IFRD1: variants seen among roughly 807,000 people sequenced by gnomAD.
IFRD1 encodes the protein interferon related developmental regulator 1, also known as interferon-related developmental regulator 1.
A neutral mutation model predicts 52.9 loss-of-function variants in IFRD1; 35 were observed. The observed-to-expected ratio is 0.66, with a 90% CI of 0.51 to 0.88. IFRD1 has a LOEUF of 0.88. Among genes scored for constraint, IFRD1 ranks in the 40% least tolerant of loss-of-function variants. The pLI, the probability that IFRD1 is intolerant of heterozygous loss-of-function variation, is 0.00. For synonymous variants in IFRD1, 184 were observed against 188.4 expected (o/e 0.98, Z 0.19); for missense variants, 517 against 550.8 (o/e 0.94, Z 0.61).
chr7:112,473,029 C>CGT (rs74273594), intron 11 of IFRD1, among the ~76,000 whole-genome samples, 168 bp downstream of exon 11: 4,641 of 115,168 alleles, frequency 0.04, 151 homozygotes, highest in African/African-American at 0.11. Flanking sequence ...GTGTGGGGGG[C>CGT]GTGTGTGTGT....
rs750715516 is a variant in IFRD1 at position 112,468,013 on chromosome 7, G to A, written c.939G>A (p.Thr313=). Residue 313 remains threonine (T), a synonymous_variant, in exon 9 of 12, where the codon ACG becomes ACA. Transcript: ENST00000403825. ...TTTATGAAGACATGGAGTCCTTGAC[G>A]CAGATGCTTAGGGCCTTGGCAACAG... ...DFFYEDMESL[T]QMLRALATDG... The A allele has an allele frequency of 6.2e-6, 10 of 1,613,854 alleles. No individual in the cohort carries two copies. Among genetic ancestry groups the A allele is most frequent in the African/African-American group, 4.0e-5 (3 of 74,900 alleles).
Position 112,472,781 on chromosome 7 carries a change from C to T in IFRD1, c.1186C>T (p.Arg396Ter), listed in dbSNP as rs1584504107. The T allele has an allele frequency of 4.4e-6, 7 of 1,608,074 alleles. No homozygotes were observed. Among genetic ancestry groups the T allele is most frequent in the Middle Eastern group, 1.7e-4 (1 of 6,056 alleles). Reference sequence around the variant, plus strand: ...TTCACATAAGTCAAATGAATTCCTTCGAAATGTATTTGAACTTGGACCCCC... The same window carrying T: ...TTCACATAAGTCAAATGAATTCCTTTGAAATGTATTTGAACTTGGACCCCC... The part of the protein sequence containing the change: ...QYHLQSNEFL[R>*]NVFELGPPVM... The change falls in exon 11 of 12, where the codon CGA becomes TGA. Residue 396 changes from arginine (R) to a stop codon, truncating the protein, a stop_gained. Transcript: ENST00000403825. LOFTEE classifies it high-confidence loss of function.
At chr7:112,452,198 C>T in intron 1 of IFRD1, 1 of 829,424 alleles carries the variant, frequency 1.2e-6, no homozygotes, top group Non-Finnish European at 1.5e-6. Context: ...CTGGCTCTGT[C>T]GCCCAGGCTG....
intron 8 of IFRD1, among the ~76,000 whole-genome samples, chr7:112,465,351 G>A: frequency 6.6e-6 from 1 of 152,140 alleles, no homozygotes; most frequent in Non-Finnish European, 1.5e-5. Flanking sequence ...GTGACCTTAA[G>A]CATCTCACCC....
chr7:112,474,401 A>T (rs1204991641), intron 11 of IFRD1, among the ~76,000 whole-genome samples: 2 of 152,210 alleles, frequency 1.3e-5, no homozygotes, highest in African/African-American at 2.4e-5. Flanking sequence ...GTTTCTCCAC[A>T]TCCTCACTAA....
At chr7:112,445,351 T>C (rs1158850389) in intron 1 of IFRD1, among the ~76,000 whole-genome samples, 4 of 151,912 alleles carry the variant, frequency 2.6e-5, no homozygotes, top group Non-Finnish European at 5.9e-5. Context: ...CAGGTGTGAG[T>C]TACCCCGCCC....
At chr7:112,450,432 C>T, upstream of IFRD1, 1 of 533,828 alleles carries the variant, frequency 1.9e-6, no homozygotes, top group Non-Finnish European at 3.4e-6. Flanking sequence ...GGTATTGCTA[C>T]TTAAGGCGTC....
intron 1 of IFRD1, among the ~76,000 whole-genome samples, chr7:112,433,153 T>C (rs919061942): frequency 5.3e-5 from 8 of 152,126 alleles, no homozygotes; most frequent in African/African-American, 1.9e-4. Context: ...GACAGGGGAA[T>C]TGGAATAGAG....
chr7:112,472,311 G>A lies in IFRD1; in HGVS notation c.1134G>A (p.Lys378=), dbSNP rs1795772006. ...WVKKHTYDTF[K]EVLGSGMQYH... ...AAAAACACACCTATGACACCTTTAA[G>A]GAGGTTCTTGGATCAGGGATGCAGT... is the stretch of plus-strand genomic sequence containing the variant. The change falls in exon 10 of 12, where the codon AAG becomes AAA. Residue 378 remains lysine (K), a synonymous_variant. Coordinates refer to ENST00000403825, the MANE Select transcript of IFRD1 (RefSeq NM_001550.4). 6.2e-7 allele frequency: 1 copy of A among 1,614,020 alleles called. No homozygotes were observed. The highest frequency in any genetic ancestry group is 2.2e-5 in the East Asian group (1 of 44,860).
At chr7:112,457,365 C>T (rs903255282) in intron 4 of IFRD1, 8 of 447,130 alleles carry the variant, frequency 1.8e-5, no homozygotes, top group African/African-American at 1.4e-4. Flanking sequence ...GCTCATTTTC[C>T]CTTGCACTTA....
chr7:112,447,369 A>C (rs1300148518), upstream of IFRD1, among the ~76,000 whole-genome samples: 3 of 152,354 alleles, frequency 2.0e-5, no homozygotes, highest in Non-Finnish European at 2.9e-5. Context: ...ATATTTATTT[A>C]TTAGAGCATG....
chr7:112,424,580 A>T (rs984796758), intron 1 of IFRD1, among the ~76,000 whole-genome samples: 1 of 151,502 alleles, frequency 6.6e-6, no homozygotes, highest in African/African-American at 2.4e-5. Flanking sequence ...ACACCAGCTA[A>T]GTTTTGTATT....
At chr7:112,436,293 C>T (rs10274824) in intron 1 of IFRD1, among the ~76,000 whole-genome samples, 3,688 of 152,206 alleles carry the variant, frequency 0.024, 143 homozygotes, top group African/African-American at 0.083. Context: ...TCAAGGAACA[C>T]GTTTTAACTA....
chr7:112,456,914 T>C lies in IFRD1; in HGVS notation c.285T>C (p.Ser95=), dbSNP rs756796129. ...TTCTCTTACATTGGGTGTTAAATAGTGCGAAGACAAGGCAAGCAGCTCTTG... is the reference window on the plus strand; with the variant it reads ...TTCTCTTACATTGGGTGTTAAATAGCGCGAAGACAAGGCAAGCAGCTCTTG... ...KGLIDLTLDK[S]AKTRQAALEG... The change falls in exon 4 of 12, where the codon AGT becomes AGC. Residue 95 remains serine, a splice_region_variant and synonymous_variant. Transcript: ENST00000403825. 3 of 1,613,694 alleles carry C rather than the reference T, an allele frequency of 1.9e-6. No homozygotes were observed. In the East Asian group the frequency reaches 6.7e-5, roughly 36 times the overall value.
In IFRD1 at chr7:112,453,372, TTAGGA is replaced by T. The variant is rs1489686494; in HGVS notation, c.95-2389_95-2385del. ...TAGAGTGCCATCTCTTTCGTGGTAC[TTAGGA>T]TCACAGTGTGGGTGGGTGAGTTTGA... On this transcript the variant is annotated intron_variant, in intron 1 of 11. Transcript: ENST00000403825. Among the ~76,000 whole-genome samples, 5 of 152,310 alleles carry T rather than the reference TTAGGA, an allele frequency of 3.3e-5. No individual in the cohort carries two copies. In the East Asian group the frequency reaches 9.7e-4, roughly 29 times the overall value.
At chr7:112,439,315 G>A (rs1794806844) in intron 1 of IFRD1, among the ~76,000 whole-genome samples, 1 of 152,168 alleles carries the variant, frequency 6.6e-6, no homozygotes, top group Non-Finnish European at 1.5e-5. Context: ...AGGGAAGTAG[G>A]GGGATAGTTC....
At chr7:112,448,156 GAAAA>G (rs1242542505), upstream of IFRD1, among the ~76,000 whole-genome samples, 1 of 146,880 alleles carries the variant, frequency 6.8e-6, no homozygotes, top group African/African-American at 2.5e-5. Flanking sequence ...AGAAAAGTAA[GAAAA>G]AAAGAAAAGA....
chr7:112,460,275 C>T (rs1357055028), intron 5 of IFRD1, among the ~76,000 whole-genome samples: 1 of 110,492 alleles, frequency 9.1e-6, no homozygotes, highest in African/African-American at 3.4e-5. Context: ...GACAAGGTCT[C>T]ACTCTGTTAC....
chr7:112,468,132 C>G lies in IFRD1; in HGVS notation c.1041+17C>G. The G allele has an allele frequency of 2.5e-6, 4 of 1,611,994 alleles. No homozygotes were observed. Among genetic ancestry groups the G allele is most frequent in the Non-Finnish European group, 1.7e-6 (2 of 1,178,204 alleles). ...GCAGTGGAGGTAGGCTTCTTAAATG[C>G]TGTAATAGCTTCTCATTTTGAAATT... On this transcript the variant is annotated intron_variant, in intron 9 of 11. Transcript: ENST00000403825.
Sources: allele counts gnomAD v4.1 joint callset (sites outside exome capture counted in the v4.1 genomes callset), GRCh38; gene constraint gnomAD v4.1.1; transcripts MANE v1.5; gene names NCBI Gene and HGNC (gene_info 2026-07-23, HGNC 2026-07-21).